Variants in SLF2 observed in about 807,000 individuals in gnomAD.
SLF2 encodes SMC5-SMC6 complex localization factor protein 2.
In SLF2, 68 loss-of-function variants were observed where a neutral mutation model predicts 124.3. The ratio of observed to expected loss-of-function variants is 0.55; its 90% CI spans 0.45 to 0.67. The LOEUF is 0.67. Ranked by LOEUF, SLF2 falls within the 30% of genes least tolerant of loss-of-function variation. SLF2 has a pLI of 0.00. For missense variants in SLF2, 1,246 were observed against 1,373.7 expected (o/e 0.91, Z 1.47); for synonymous variants, 480 against 478.8 (o/e 1.00, Z -0.03).
intron 19 of SLF2, 98 bp from the exon 20 acceptor site, chr10:100,961,779 T>C (rs1850431260): frequency 9.8e-7 from 1 of 1,017,766 alleles, no homozygotes; most frequent in South Asian, 1.7e-5. Flanking sequence ...ACTTGTCTTA[T>C]CAAAGCCCAT....
At chr10:100,922,960 G>A (rs1849547899) in intron 4 of SLF2, among the ~76,000 whole-genome samples, 1 of 151,796 alleles carries the variant, frequency 6.6e-6, no homozygotes. Context: ...ATTTTCAGTA[G>A]AGACAGGGTT....
chr10:100,918,350 A>G (rs749342849), intron 3 of SLF2, 34 bp from the exon 4 acceptor site: 3 of 1,417,638 alleles, frequency 2.1e-6, no homozygotes, highest in Non-Finnish European at 2.0e-6. Context: ...ACTGTCCCCA[A>G]CACTTAATTA....
intron 14 of SLF2, 22 bp downstream of exon 14, chr10:100,947,158 A>T: frequency 7.1e-7 from 1 of 1,401,712 alleles, no homozygotes. Context: ...TGAAAATTAA[A>T]CATTAAGAAA....
chr10:100,950,003 TG>T, intron 15 of SLF2, 72 bp from the exon 16 acceptor site: 1 of 1,401,680 alleles, frequency 7.1e-7, no homozygotes, highest in Non-Finnish European at 9.5e-7. Context: ...GAGTACACAC[TG>T]GAAAAAAATA....
At position 100,954,355 on chromosome 10, in the gene SLF2, C is replaced by T. The variant is rs373776430; in HGVS notation, c.3331-2096C>T. ...AAACAGTATGTTTTTTGTGATTGCA[C>T]ATAGTGTTAATATGAACATGCTTAT... On this transcript the variant is annotated intron_variant, in intron 17 of 19. Transcript: ENST00000238961. Among the ~76,000 whole-genome samples, 16 of 152,220 alleles carry T rather than the reference C, an allele frequency of 1.1e-4. No homozygotes were observed. The South Asian group carries it at 3.1e-3, about 30-fold the overall frequency.
intron 1 of SLF2, chr10:100,913,669 G>T: frequency 9.9e-7 from 1 of 1,014,658 alleles, no homozygotes; most frequent in Non-Finnish European, 1.2e-6. Context: ...CTGTGATGAG[G>T]GAATCCCTTC....
chr10:100,954,820 T>C (rs1850294178), intron 17 of SLF2, among the ~76,000 whole-genome samples: 3 of 152,138 alleles, frequency 2.0e-5, no homozygotes, highest in Admixed American at 2.0e-4. Flanking sequence ...CACGTACCTG[T>C]AGTCCCAGCT....
intron 11 of SLF2, among the ~76,000 whole-genome samples, chr10:100,942,300 GTCC>G (rs1849996141): frequency 6.6e-6 from 1 of 152,126 alleles, no homozygotes; most frequent in South Asian, 2.1e-4. Flanking sequence ...AGTTCCTACA[GTCC>G]TCCTCCCATT....
intron 5 of SLF2, 34 bp from the exon 6 acceptor site, chr10:100,925,913 CAT>C (rs766419022): frequency 3.5e-5 from 53 of 1,530,962 alleles, no homozygotes; most frequent in South Asian, 2.1e-4. Flanking sequence ...TCTACTAAGA[CAT>C]GTGGTAAAGT....
rs1849581087 is a variant in SLF2, at chr10:100,924,672, T to G, written c.1671T>G (p.Pro557=). Residue 557 remains proline (P), a synonymous_variant, in exon 5 of 20, where the codon CCT becomes CCG. Transcript: ENST00000238961. ...ATGGCACTCCTACAAAGTCTCCCCCTGCTGCTTTGGAAGTTGTGCCATGTA... is the reference window on the plus strand; with the variant it reads ...ATGGCACTCCTACAAAGTCTCCCCCGGCTGCTTTGGAAGTTGTGCCATGTA... ...SEYGTPTKSP[P]AALEVVPCIP... is the part of the protein sequence containing the mutation. 1 of 1,614,022 alleles carries G rather than the reference T, an allele frequency of 6.2e-7. No individual in the cohort carries two copies. The highest frequency in any genetic ancestry group is 1.3e-5 in the African/African-American group (1 of 74,930).
intron 1 of SLF2, among the ~76,000 whole-genome samples, chr10:100,914,247 C>T (rs1438738932): frequency 6.6e-6 from 1 of 152,124 alleles, no homozygotes; most frequent in African/African-American, 2.4e-5. Flanking sequence ...AATTCTAAAA[C>T]ACATTTGGCC....
At chr10:100,915,550 T>G (rs942518679) in intron 1 of SLF2, among the ~76,000 whole-genome samples, 2 of 151,408 alleles carry the variant, frequency 1.3e-5, no homozygotes, top group Non-Finnish European at 3.0e-5. Context: ...ATCTATTGAG[T>G]TTTTTTTTAG....
At position 100,917,087 on chromosome 10, in the gene SLF2, T is replaced by A; in HGVS notation, c.702T>A (p.Ala234=). The A allele has an allele frequency of 6.2e-7, 1 of 1,614,148 alleles. No individual in the cohort carries two copies. The highest frequency in any genetic ancestry group is 1.1e-5 in the South Asian group (1 of 91,084). ...ACCCGGAAGAAAGCCCACTGGGAGC[T>A]AAATTCCAGTTGTCACTAGCTTCTT... ...RHHPEESPLG[A]KFQLSLASYC... The change falls in exon 3 of 20, where the codon GCT becomes GCA. Residue 234 remains alanine, a synonymous_variant. Transcript: ENST00000238961.
rs945831877 is a variant in SLF2 at position 100,960,971 on chromosome 10, G to A, written c.3487-906G>A. 4.1e-5 allele frequency among the ~76,000 whole-genome samples: 6 copies of A among 144,628 alleles called. No homozygotes were observed. In the Admixed American group the frequency reaches 4.2e-4, roughly 10 times the overall value. The allele number at this position is 144,628 out of a possible 152,430, so 94.9% of individuals were successfully genotyped here. On this transcript the variant is annotated intron_variant, in intron 19 of 19. Transcript: ENST00000238961. The stretch of plus-strand genomic sequence containing the variant: ...ATATGGATTCTGACTCATAGGTCTG[G>A]AGTGAGAACTGAGATATTCTGTACT...
At chr10:100,921,958 G>A (rs181472782) in intron 4 of SLF2, among the ~76,000 whole-genome samples, 139 of 152,318 alleles carry the variant, frequency 9.1e-4, no homozygotes, top group Middle Eastern at 3.4e-3. Context: ...CTGTAAAAGA[G>A]CAGAGATAAG....
intron 10 of SLF2, 101 bp downstream of exon 10, chr10:100,937,578 A>G (rs1292923299): frequency 1.5e-5 from 12 of 796,748 alleles, no homozygotes; most frequent in Non-Finnish European, 2.5e-5. Flanking sequence ...GGAAATATAC[A>G]ATACAAAATT....
At chr10:100,944,815 A>G (rs1004093767) in intron 12 of SLF2, among the ~76,000 whole-genome samples, 26 of 152,202 alleles carry the variant, frequency 1.7e-4, no homozygotes, top group Non-Finnish European at 8.8e-5. Flanking sequence ...ACCTGAGGTC[A>G]GGAGCTCAAG....
Position 100,947,788 on chromosome 10 carries a change from A to C in SLF2, c.3061A>C (p.Ile1021Leu), listed in dbSNP as rs750189188. ...ACTGAGACAGTGCCTCAGTCTAGTG[A>C]TTATTTCAAAGCTTTTGGATGAGAA... ...RQLRQCLSLV[I>L]ISKLLDEKHE... The change falls in exon 15 of 20, where the codon ATT becomes CTT. Residue 1021 changes from isoleucine (I) to leucine (L), a missense_variant. Around this residue, in one of 3 missense-constraint regions of SLF2, gnomAD observed 535 missense variants for 632.8 expected, o/e 0.85. Transcript: ENST00000238961. 6.8e-6 allele frequency: 11 copies of C among 1,611,604 alleles called. No homozygotes were observed. Among genetic ancestry groups the C allele is most frequent in the Admixed American group, 1.7e-5 (1 of 60,002 alleles).
chr10:100,943,768 C>G, intron 11 of SLF2: 2 of 328,782 alleles, frequency 6.1e-6, no homozygotes, highest in Non-Finnish European at 1.1e-5. Context: ...TAGTGTTTGC[C>G]TTGAGTCAGG....
Sources: allele counts gnomAD v4.1 joint callset (sites outside exome capture counted in the v4.1 genomes callset), GRCh38; gene constraint gnomAD v4.1.1; regional missense constraint gnomAD v4.1.1; transcripts MANE v1.5; gene names NCBI Gene and HGNC (gene_info 2026-07-23, HGNC 2026-07-21).